The following EPHA7 variants were observed in gnomAD, a reference collection of about 807,000 sequenced individuals.
EPHA7 encodes the protein ephrin type-A receptor 7.
A neutral mutation model predicts 112.6 loss-of-function variants in EPHA7; 25 were observed. The ratio of observed to expected loss-of-function variants is 0.22; its 90% CI spans 0.16 to 0.31. EPHA7 has a LOEUF of 0.31. Ranked by LOEUF, EPHA7 falls within the 10% of genes least tolerant of loss-of-function variation. The pLI is 1.00. For missense variants in EPHA7, 962 were observed against 1,212.6 expected (o/e 0.79, Z 3.07); for synonymous variants, 437 against 406.5 (o/e 1.07, Z -0.90).
intron 5 of EPHA7, among the ~76,000 whole-genome samples, chr6:93,306,810 C>A (rs1025372436): frequency 6.6e-6 from 1 of 151,764 alleles, no homozygotes; most frequent in African/African-American, 2.4e-5. Context: ...CAATTTGAAC[C>A]GAATTATGAC....
chr6:93,258,631 T>C (rs1770552355), intron 10 of EPHA7, among the ~76,000 whole-genome samples: 1 of 149,496 alleles, frequency 6.7e-6, no homozygotes, highest in Non-Finnish European at 1.5e-5. Context: ...AGGGTCAACA[T>C]TTAGATTTGA....
intron 5 of EPHA7, among the ~76,000 whole-genome samples, chr6:93,351,925 C>T (rs1159841611): frequency 6.6e-6 from 1 of 151,988 alleles, no homozygotes; most frequent in East Asian, 1.9e-4. Context: ...AAATAGTGTA[C>T]CACTTGAGGA....
At chr6:93,276,686 A>G (rs1314016694) in intron 5 of EPHA7, among the ~76,000 whole-genome samples, 1 of 152,128 alleles carries the variant, frequency 6.6e-6, no homozygotes, top group Non-Finnish European at 1.5e-5. Flanking sequence ...AAAACAGGCT[A>G]GTGATTGCAT....
At chr6:93,334,827 A>G (rs1197655386) in intron 5 of EPHA7, among the ~76,000 whole-genome samples, 3 of 152,068 alleles carry the variant, frequency 2.0e-5, no homozygotes, top group Admixed American at 2.0e-4. Flanking sequence ...TGCATGTTTC[A>G]CCTTTAAACT....
Position 93,272,326 on chromosome 6 carries a change from G to A in EPHA7, c.1421C>T (p.Thr474Ile). ...QEPEHPNGVITEYEIKYYEKD... is the reference protein window; with the variant it reads ...QEPEHPNGVIIEYEIKYYEKD... Reference sequence around the variant, plus strand: ...CTCGTAATACTTGATTTCATATTCTGTGATGACTCCATTGGGATGCTCTGG... The same window carrying A: ...CTCGTAATACTTGATTTCATATTCTATGATGACTCCATTGGGATGCTCTGG... Residue 474 changes from threonine (T) to isoleucine (I), a missense_variant, in exon 6 of 17, where the codon ACA becomes ATA. Thr to Ile is a moderately conservative substitution (Grantham distance 89). Transcript: ENST00000369303. 2 of 1,612,006 alleles carry A rather than the reference G, an allele frequency of 1.2e-6. No homozygotes were observed. The highest frequency in any genetic ancestry group is 1.7e-6 in the Non-Finnish European group (2 of 1,178,568).
chr6:93,313,559 T>A (rs1378043192), intron 5 of EPHA7, among the ~76,000 whole-genome samples: 1 of 151,966 alleles, frequency 6.6e-6, no homozygotes, highest in African/African-American at 2.4e-5. Context: ...ATAAAAAAGA[T>A]ACAAACAAAA....
chr6:93,316,842 G>C (rs1773838715), intron 5 of EPHA7, among the ~76,000 whole-genome samples: 1 of 152,002 alleles, frequency 6.6e-6, no homozygotes, highest in South Asian at 2.1e-4. Flanking sequence ...TATATGCTTG[G>C]CTTCTAACTA....
intron 1 of EPHA7, among the ~76,000 whole-genome samples, chr6:93,414,989 T>TTGTATATTGTAATA (rs1779156062): frequency 1.3e-5 from 2 of 152,026 alleles, no homozygotes; most frequent in Admixed American, 1.3e-4. Flanking sequence ...TTGGTATGCT[T>TTGTATATTGTAATA]TAATTACAAT....
Position 93,243,229 on chromosome 6 carries a change from G to T in EPHA7, c.*197C>A, listed in dbSNP as rs1457276364. Reference sequence around the variant, plus strand: ...CACTGCTATTTTCCTGGCCACCGATGGTGGATCCTAAATTCCCTTTTTATA... The same window carrying T: ...CACTGCTATTTTCCTGGCCACCGATTGTGGATCCTAAATTCCCTTTTTATA... On this transcript the variant is annotated 3_prime_UTR_variant, in exon 17 of 17. Coordinates refer to ENST00000369303, the MANE Select transcript of EPHA7 (RefSeq NM_004440.4). 1.2e-5 allele frequency: 5 copies of T among 429,604 alleles called. No individual in the cohort carries two copies. Among genetic ancestry groups the T allele is most frequent in the Non-Finnish European group, 1.7e-5 (4 of 242,216 alleles). The allele number at this position is 429,604 out of a possible 1,614,324, so 26.6% of individuals were successfully genotyped here.
intron 5 of EPHA7, among the ~76,000 whole-genome samples, chr6:93,272,711 C>A (rs1172583954): frequency 1.3e-5 from 2 of 151,752 alleles, no homozygotes; most frequent in African/African-American, 4.8e-5. Context: ...CAAATGAATG[C>A]TAATTAAGGC....
intron 5 of EPHA7, among the ~76,000 whole-genome samples, chr6:93,298,109 T>G (rs528036755): frequency 2.0e-5 from 3 of 152,008 alleles, no homozygotes; most frequent in Non-Finnish European, 2.9e-5. Flanking sequence ...TAATAAAGAA[T>G]TAAATAAGAC....
chr6:93,298,987 T>C (rs1242176105), intron 5 of EPHA7, among the ~76,000 whole-genome samples: 2 of 151,860 alleles, frequency 1.3e-5, no homozygotes, highest in African/African-American at 2.4e-5. Flanking sequence ...GCACAGGAAA[T>C]GAACAGACGT....
At chr6:93,397,740 A>G (rs1423659464) in intron 3 of EPHA7, among the ~76,000 whole-genome samples, 2 of 151,966 alleles carry the variant, frequency 1.3e-5, no homozygotes, top group Non-Finnish European at 2.9e-5. Flanking sequence ...AATATAATGT[A>G]CATTGTTTTC....
At chr6:93,393,430 A>G (rs901967911) in intron 3 of EPHA7, among the ~76,000 whole-genome samples, 1 of 151,714 alleles carries the variant, frequency 6.6e-6, no homozygotes, top group African/African-American at 2.4e-5. Context: ...TAGTCTTAGA[A>G]GTTTCCATCC....
chr6:93,361,588 C>T (rs1442439493), intron 3 of EPHA7, among the ~76,000 whole-genome samples: 1 of 152,020 alleles, frequency 6.6e-6, no homozygotes, highest in Non-Finnish European at 1.5e-5. Context: ...CAACTACTCC[C>T]AGAAAAGCTA....
chr6:93,416,594 T>C (rs1251276116), intron 1 of EPHA7, among the ~76,000 whole-genome samples: 1 of 152,152 alleles, frequency 6.6e-6, no homozygotes, highest in Non-Finnish European at 1.5e-5. Flanking sequence ...TCTCAAGTGA[T>C]CCGTGCGTCT....
At chr6:93,282,114 T>C (rs1251893210) in intron 5 of EPHA7, among the ~76,000 whole-genome samples, 1 of 152,138 alleles carries the variant, frequency 6.6e-6, no homozygotes. Flanking sequence ...ATAGATTTGG[T>C]TTACTTTTAA....
At chr6:93,405,801 GTGTGTGTGTGTGTATATATATATATA>G (rs1230856206) in intron 3 of EPHA7, among the ~76,000 whole-genome samples, 2 of 64,364 alleles carry the variant, frequency 3.1e-5, no homozygotes, top group East Asian at 6.0e-4. Flanking sequence ...GTGTGTGTGT[GTGTGTGTGTGTGTATATATATATATA>G]TATATATATA....
At chr6:93,416,601 G>GTC (rs924079607) in intron 1 of EPHA7, among the ~76,000 whole-genome samples, 2 of 152,176 alleles carry the variant, frequency 1.3e-5, no homozygotes, top group Non-Finnish European at 2.9e-5. Flanking sequence ...TGATCCGTGC[G>GTC]TCTCTCTTCT....
Sources: gnomAD v4.1 joint callset for allele counts (sites outside exome capture counted in the v4.1 genomes callset) on GRCh38, gnomAD v4.1.1 for gene constraint, MANE v1.5 for transcripts, NCBI Gene and HGNC (gene_info 2026-07-23, HGNC 2026-07-21) for gene names.